The following FA2H variants were observed in gnomAD, a reference collection of about 807,000 sequenced individuals.
FA2H encodes fatty acid alpha-hydroxylase.
Under a neutral mutation model 44.9 loss-of-function variants are expected in FA2H, and 22 were observed. The observed-to-expected ratio is 0.49, with a 90% CI of 0.35 to 0.70. The LOEUF (loss-of-function observed/expected upper bound fraction) is 0.70. Among genes scored for constraint, FA2H ranks in the 30% least tolerant of loss-of-function variants. The probability of loss-of-function intolerance (pLI) is 0.01; values close to 1 mark genes in which losing one functional copy is unlikely to be tolerated. For missense variants in FA2H, 501 were observed against 504.9 expected, an observed-to-expected ratio of 0.99 and a Z score of 0.07; for synonymous variants, 243 against 213.2, an observed-to-expected ratio of 1.14 and a Z score of -1.22.
At chr16:74,738,451 A>C (rs72792757) in intron 2 of FA2H, among the ~76,000 whole-genome samples, 1 of 152,166 alleles carries the variant, frequency 6.6e-6, no homozygotes, top group African/African-American at 2.4e-5. Context: ...GGAGCTGACC[A>C]CAGAGCTGGC....
chr16:74,761,033 C>T (rs1229742881), intron 1 of FA2H, among the ~76,000 whole-genome samples: 2 of 152,072 alleles, frequency 1.3e-5, no homozygotes, highest in Non-Finnish European at 2.9e-5. Context: ...GATGGGATGA[C>T]CTGGGCAGCA....
intron 4 of FA2H, among the ~76,000 whole-genome samples, chr16:74,720,929 T>G (rs939418508): frequency 6.6e-6 from 1 of 152,372 alleles, no homozygotes; most frequent in East Asian, 1.9e-4. Flanking sequence ...TTTTTAAGAC[T>G]GAATGATATT....
At chr16:74,773,215 C>A (rs968296783) in intron 1 of FA2H, among the ~76,000 whole-genome samples, 37 of 152,104 alleles carry the variant, frequency 2.4e-4, no homozygotes, top group African/African-American at 8.9e-4. Context: ...AGAGTGAGTA[C>A]AGTACTATAA....
intron 1 of FA2H, among the ~76,000 whole-genome samples, chr16:74,773,744 G>A (rs141395137): frequency 1.3e-5 from 2 of 152,370 alleles, no homozygotes; most frequent in Non-Finnish European, 2.9e-5. Context: ...GCCCCAGGTT[G>A]AGTTAAGGAC....
rs189058080 is a variant in FA2H, at chr16:74,740,341, G to A, written c.271-226C>T. Among the ~76,000 whole-genome samples the A allele has an allele frequency of 7.9e-4, 120 of 152,214 alleles. 1 individual carries two copies. Among genetic ancestry groups the A allele is most frequent in the Middle Eastern group, 3.4e-3 (1 of 294 alleles). ...CCTTAAAAAAATAATTTCCAGCCGGGCGCAGTGGCTCACACCTGTAATCCC... is the reference window on the plus strand; with the variant it reads ...CCTTAAAAAAATAATTTCCAGCCGGACGCAGTGGCTCACACCTGTAATCCC... On this transcript the variant is annotated intron_variant, in intron 1 of 6. Coordinates refer to ENST00000219368, the MANE Select transcript of FA2H (RefSeq NM_024306.5).
At chr16:74,718,243 G>C (rs531507806) in intron 5 of FA2H, among the ~76,000 whole-genome samples, 1 of 152,166 alleles carries the variant, frequency 6.6e-6, no homozygotes, top group Non-Finnish European at 1.5e-5. Flanking sequence ...CTGGTGTCCC[G>C]AAAGTATCAT....
intron 6 of FA2H, among the ~76,000 whole-genome samples, chr16:74,714,765 T>G (rs1359802579): frequency 6.6e-6 from 1 of 152,166 alleles, no homozygotes; most frequent in Non-Finnish European, 1.5e-5. Context: ...AAACTGAATT[T>G]CTAACTTCAT....
intron 1 of FA2H, among the ~76,000 whole-genome samples, chr16:74,746,004 A>G (rs1019200563): frequency 1.3e-5 from 2 of 151,950 alleles, no homozygotes; most frequent in African/African-American, 4.8e-5. Flanking sequence ...ACGGGGTTTC[A>G]CCGTGTTGCC....
intron 1 of FA2H, among the ~76,000 whole-genome samples, chr16:74,757,090 A>C (rs543884492): frequency 2.0e-5 from 3 of 152,292 alleles, no homozygotes; most frequent in African/African-American, 7.2e-5. Context: ...GTGGAAGAAA[A>C]ATAGTAACAC....
intron 1 of FA2H, among the ~76,000 whole-genome samples, chr16:74,761,811 T>C (rs575744843): frequency 6.6e-6 from 1 of 152,252 alleles, no homozygotes; most frequent in Non-Finnish European, 1.5e-5. Flanking sequence ...GAAAACTTCA[T>C]GAAGTCACTG....
chr16:74,720,290 G>A (rs944776187), intron 4 of FA2H, among the ~76,000 whole-genome samples: 7 of 141,544 alleles, frequency 4.9e-5, no homozygotes, highest in African/African-American at 1.9e-4. Flanking sequence ...CCACCTCCCG[G>A]GTTCAAGTGA....
chr16:74,754,820 C>G (rs1220411669), intron 1 of FA2H, among the ~76,000 whole-genome samples: 1 of 151,796 alleles, frequency 6.6e-6, no homozygotes, highest in Non-Finnish European at 1.5e-5. Context: ...GAGCCACCAC[C>G]CCTGGTCAGA....
rs200968560 is a variant in FA2H, at chr16:74,721,136, G to GC, written c.614-1977dup. Among the ~76,000 whole-genome samples the GC allele has an allele frequency of 5.9e-5, 9 of 152,148 alleles. No homozygotes were observed. The East Asian group carries it at 1.7e-3, about 29-fold the overall frequency. The stretch of plus-strand genomic sequence containing the variant: ...TCTATGTTTAACCTTTTGAAGAATA[G>GC]CCAGACTGTTTTCCAAAGCTAGCCA... On this transcript the variant is annotated intron_variant, in intron 4 of 6. Transcript: ENST00000219368.
chr16:74,773,429 T>C (rs1175916205), intron 1 of FA2H, among the ~76,000 whole-genome samples: 1 of 152,206 alleles, frequency 6.6e-6, no homozygotes, highest in African/African-American at 2.4e-5. Flanking sequence ...ACTGAGGGTC[T>C]TGAAATGTAT....
intron 2 of FA2H, among the ~76,000 whole-genome samples, chr16:74,728,164 C>T (rs1961996261): frequency 6.6e-6 from 1 of 152,216 alleles, no homozygotes; most frequent in Admixed American, 6.5e-5. Context: ...TAGCTCATGC[C>T]TGTAAACCCT....
intron 1 of FA2H, among the ~76,000 whole-genome samples, chr16:74,757,787 T>C (rs1279776768): frequency 2.0e-5 from 3 of 151,960 alleles, no homozygotes; most frequent in African/African-American, 7.3e-5. Context: ...GAGGCTGAGG[T>C]GGGTGGATTG....
Position 74,716,244 on chromosome 16 carries a change from C to A in FA2H, c.1039+103G>T, listed in dbSNP as rs7192551. On this transcript the variant is annotated intron_variant, in intron 6 of 6. Coordinates refer to ENST00000219368, the MANE Select transcript of FA2H (RefSeq NM_024306.5). Reference sequence around the variant, plus strand: ...TAGAGGGAACCCTCTGTATATGCCCCGTACATGGAACAGTGCCTTGCCGTT... The same window carrying A: ...TAGAGGGAACCCTCTGTATATGCCCAGTACATGGAACAGTGCCTTGCCGTT... 0.036 allele frequency: 48,592 copies of A among 1,361,148 alleles called. 1,919 individuals carry two copies. Among genetic ancestry groups the A allele is most frequent in the African/African-American group, 0.19 (13,269 of 68,956 alleles). The allele number at this position is 1,361,148 out of a possible 1,614,324, so 84.3% of individuals were successfully genotyped here.
At chr16:74,732,871 G>A (rs762686556) in intron 2 of FA2H, among the ~76,000 whole-genome samples, 14 of 152,218 alleles carry the variant, frequency 9.2e-5, no homozygotes, top group East Asian at 1.9e-4. Context: ...CAGAACTGTC[G>A]TGGAAACCGG....
intron 2 of FA2H, among the ~76,000 whole-genome samples, chr16:74,731,550 T>C (rs1267552944): frequency 1.3e-5 from 2 of 152,300 alleles, no homozygotes; most frequent in East Asian, 3.9e-4. Flanking sequence ...GAGACAGGGC[T>C]TGCTCTGTCA....
Sources: allele counts gnomAD v4.1 joint callset (sites outside exome capture counted in the v4.1 genomes callset), GRCh38; gene constraint gnomAD v4.1.1; transcripts MANE v1.5; gene names NCBI Gene and HGNC (gene_info 2026-07-23, HGNC 2026-07-21).